The following BIRC6 variants were observed in gnomAD, a reference collection of about 807,000 sequenced individuals.
BIRC6 encodes the protein dual E2 ubiquitin-conjugating enzyme/E3 ubiquitin-protein ligase BIRC6.
Under a neutral mutation model 503.3 loss-of-function variants are expected in BIRC6, and 98 were observed. The ratio of observed to expected loss-of-function variants is 0.19; its 90% CI spans 0.17 to 0.23. The LOEUF (loss-of-function observed/expected upper bound fraction) is 0.23, where lower values mean the gene tolerates loss of function less well. Ranked by LOEUF, BIRC6 falls within the 10% of genes least tolerant of loss-of-function variation. BIRC6 has a pLI of 1.00. For synonymous variants in BIRC6, 2,240 were observed against 2,078.7 expected, an observed-to-expected ratio of 1.08 and a Z score of -2.11; for missense variants, 5,360 against 5,806.0, an observed-to-expected ratio of 0.92 and a Z score of 2.50.
intron 60 of BIRC6, among the ~76,000 whole-genome samples, chr2:32,530,750 G>T (rs1390911221): frequency 6.6e-6 from 1 of 152,058 alleles, no homozygotes; most frequent in East Asian, 1.9e-4. Flanking sequence ...GTATTCTTCA[G>T]CAAATTTTGG....
intron 45 of BIRC6, among the ~76,000 whole-genome samples, chr2:32,495,947 C>A (rs1353614803): frequency 1.3e-5 from 2 of 151,980 alleles, no homozygotes; most frequent in Non-Finnish European, 1.5e-5. Flanking sequence ...ACGCCATTCT[C>A]CCGCCTCAGC....
chr2:32,509,695 T>C, intron 51 of BIRC6, 43 bp from the exon 52 acceptor site: 2 of 1,608,106 alleles, frequency 1.2e-6, no homozygotes, highest in Non-Finnish European at 1.7e-6. Context: ...CGAAGTGATT[T>C]GAGCGACTTA....
chr2:32,405,301 C>CT (rs1258381576), intron 8 of BIRC6, among the ~76,000 whole-genome samples: 9 of 152,206 alleles, frequency 5.9e-5, no homozygotes, highest in Middle Eastern at 3.4e-3. Flanking sequence ...TGATTTTAAA[C>CT]TTTTTTTGCA....
chr2:32,482,275 T>C (rs546605815), intron 38 of BIRC6, among the ~76,000 whole-genome samples, 154 bp from the exon 39 acceptor site: 37 of 152,376 alleles, frequency 2.4e-4, no homozygotes, highest in African/African-American at 7.9e-4. Context: ...TGGACCATTC[T>C]TATAAATCAT....
At chr2:32,468,355 A>G in intron 28 of BIRC6, 82 bp from the exon 29 acceptor site, 1 of 1,227,858 alleles carries the variant, frequency 8.1e-7, no homozygotes. Context: ...AACAGGTTTA[A>G]GAGATTTAAT....
At chr2:32,511,852 A>T (rs1022532450) in intron 53 of BIRC6, among the ~76,000 whole-genome samples, 25 of 152,160 alleles carry the variant, frequency 1.6e-4, no homozygotes, top group Non-Finnish European at 2.8e-4. Context: ...ATTTAAACAT[A>T]GATTGCAATT....
At chr2:32,382,368 A>G (rs1364036039) in intron 3 of BIRC6, among the ~76,000 whole-genome samples, 1 of 152,188 alleles carries the variant, frequency 6.6e-6, no homozygotes, top group East Asian at 1.9e-4. Context: ...CCAAACCAAA[A>G]CAAAATGCTG....
chr2:32,423,052 C>G (rs1470183824), intron 10 of BIRC6, among the ~76,000 whole-genome samples: 1 of 152,160 alleles, frequency 6.6e-6, no homozygotes, highest in Non-Finnish European at 1.5e-5. Context: ...ATTCTCCTGC[C>G]TCAGCCTCCC....
intron 20 of BIRC6, among the ~76,000 whole-genome samples, chr2:32,443,946 C>T (rs887115960): frequency 2.6e-5 from 4 of 151,800 alleles, no homozygotes; most frequent in Non-Finnish European, 5.9e-5. Flanking sequence ...ATAAGTAAAA[C>T]GGTCCAGGTG....
At chr2:32,391,934 A>G (rs2039284328) in intron 4 of BIRC6, 105 bp from the exon 5 acceptor site, 2 of 696,984 alleles carry the variant, frequency 2.9e-6, no homozygotes, top group South Asian at 4.7e-5. Flanking sequence ...GACCATTTGC[A>G]GTTTTTGCTG....
chr2:32,404,284 A>T lies in BIRC6; in HGVS notation c.1419-2215A>T, dbSNP rs572152198. Among the ~76,000 whole-genome samples, 37 of 152,198 alleles carry T rather than the reference A, an allele frequency of 2.4e-4. 1 individual carries two copies. The South Asian group carries it at 2.9e-3, about 12-fold the overall frequency. On this transcript the variant is annotated intron_variant, in intron 8 of 73. Transcript: ENST00000421745. ...GTGTAATTTTCAAACCATACAATTC[A>T]TGTAAGTGTACAATTTAGTTATTTT... is the stretch of plus-strand genomic sequence containing the variant.
intron 71 of BIRC6, 69 bp downstream of exon 71, chr2:32,603,152 A>C: frequency 8.4e-7 from 1 of 1,194,458 alleles, no homozygotes; most frequent in South Asian, 1.4e-5. Flanking sequence ...AAAAATTTTT[A>C]GTGACCAAGA....
chr2:32,559,687 TCTC>T (rs914743888), intron 65 of BIRC6, among the ~76,000 whole-genome samples: 5 of 149,552 alleles, frequency 3.3e-5, no homozygotes, highest in Admixed American at 6.7e-5. Flanking sequence ...TTTTCCAAGT[TCTC>T]CTCTTGGTTG....
At chr2:32,506,939 G>A (rs1459009257) in intron 50 of BIRC6, among the ~76,000 whole-genome samples, 1 of 152,094 alleles carries the variant, frequency 6.6e-6, no homozygotes, top group African/African-American at 2.4e-5. Context: ...TCAGTGTAAA[G>A]CTGGCATGTA....
chr2:32,383,947 C>T (rs1317281499), intron 3 of BIRC6, among the ~76,000 whole-genome samples: 1 of 152,226 alleles, frequency 6.6e-6, no homozygotes. Flanking sequence ...GCCCCTGTTA[C>T]TTAGCATCAA....
At chr2:32,391,992 G>C (rs2039290521) in intron 4 of BIRC6, 47 bp from the exon 5 acceptor site, 2 of 1,255,386 alleles carry the variant, frequency 1.6e-6, no homozygotes. Context: ...AAGTTTCACT[G>C]TGATTTGATG....
At chr2:32,470,443 A>G (rs1488590973) in intron 31 of BIRC6, 142 bp downstream of exon 31, 17 of 809,256 alleles carry the variant, frequency 2.1e-5, no homozygotes, top group Non-Finnish European at 2.5e-5. Context: ...AGAATGAGCA[A>G]CCCTCATGTG....
At chr2:32,381,671 G>A (rs1000259915) in intron 3 of BIRC6, among the ~76,000 whole-genome samples, 1 of 151,174 alleles carries the variant, frequency 6.6e-6, no homozygotes, top group Non-Finnish European at 1.5e-5. Context: ...TCAGCCTCCC[G>A]AGTAGCTGGG....
intron 61 of BIRC6, among the ~76,000 whole-genome samples, chr2:32,537,972 A>T (rs1228255351): frequency 6.6e-6 from 1 of 152,134 alleles, no homozygotes; most frequent in Non-Finnish European, 1.5e-5. Flanking sequence ...CTCAAAAAAA[A>T]AAAAGCAAAC....
Sources: allele counts gnomAD v4.1 joint callset (sites outside exome capture counted in the v4.1 genomes callset), GRCh38; gene constraint gnomAD v4.1.1; transcripts MANE v1.5; gene names NCBI Gene and HGNC (gene_info 2026-07-23, HGNC 2026-07-21).